The following CHIC1 variants were observed in gnomAD, a reference collection of about 807,000 sequenced individuals.
The protein encoded by CHIC1 is cysteine rich hydrophobic domain 1.
In CHIC1, 7 loss-of-function variants were observed where a neutral mutation model predicts 18.5. The ratio of observed to expected loss-of-function variants is 0.38; its 90% CI spans 0.22 to 0.71. CHIC1 has a LOEUF of 0.71. Among genes scored for constraint, CHIC1 ranks in the 30% least tolerant of loss-of-function variants. The pLI, the probability that CHIC1 is intolerant of heterozygous loss-of-function variation, is 0.49. For synonymous variants in CHIC1, 77 were observed against 73.5 expected, an observed-to-expected ratio of 1.05 and a Z score of -0.25; for missense variants, 159 against 176.9, an observed-to-expected ratio of 0.90 and a Z score of 0.57.
chrX:73,648,714 T>C (rs781125324), intron 3 of CHIC1, among the ~76,000 whole-genome samples: 3 of 111,730 alleles, frequency 2.7e-5, no homozygotes, highest in African/African-American at 9.7e-5. Context: ...AATATGGGAC[T>C]ATATAAAGAC....
intron 3 of CHIC1, among the ~76,000 whole-genome samples, chrX:73,672,105 T>A: frequency 8.9e-6 from 1 of 111,961 alleles, no homozygotes; most frequent in Non-Finnish European, 1.9e-5. Flanking sequence ...AACTCATCAT[T>A]TTTTATGGCT....
At chrX:73,637,479 C>T (rs1183330996) in intron 3 of CHIC1, among the ~76,000 whole-genome samples, 1 of 110,512 alleles carries the variant, frequency 9.0e-6, no homozygotes, top group Non-Finnish European at 1.9e-5. Context: ...CAAGTCTCTT[C>T]TTGGAAGCCC....
At chrX:73,581,279 T>C (rs886691381) in intron 2 of CHIC1, among the ~76,000 whole-genome samples, 1 of 110,917 alleles carries the variant, frequency 9.0e-6, no homozygotes, top group Non-Finnish European at 1.9e-5. Context: ...TGCATCCTGT[T>C]ATAAAATATT....
At chrX:73,624,822 C>T (rs2057776271) in intron 3 of CHIC1, among the ~76,000 whole-genome samples, 1 of 112,117 alleles carries the variant, frequency 8.9e-6, no homozygotes, top group African/African-American at 3.2e-5. Flanking sequence ...CTCTTTATGA[C>T]AGAATGATAC....
At chrX:73,673,779 C>T (rs1249743469) in intron 3 of CHIC1, among the ~76,000 whole-genome samples, 1 of 111,783 alleles carries the variant, frequency 8.9e-6, no homozygotes, top group African/African-American at 3.3e-5. Flanking sequence ...GAACTTCCAA[C>T]ACTATGTTGA....
intron 3 of CHIC1, among the ~76,000 whole-genome samples, chrX:73,645,117 G>C (rs969105090): frequency 2.7e-5 from 3 of 112,331 alleles, no homozygotes; most frequent in Admixed American, 9.4e-5. Context: ...CTTGGCTCCG[G>C]AAGCTGAGAT....
At chrX:73,624,798 ATCC>A (rs2057776127) in intron 3 of CHIC1, among the ~76,000 whole-genome samples, 1 of 112,128 alleles carries the variant, frequency 8.9e-6, no homozygotes, top group Non-Finnish European at 1.9e-5. Context: ...CCCATGTTCT[ATCC>A]TAAGGTATTC....
At chrX:73,656,741 T>G (rs887687397) in intron 3 of CHIC1, among the ~76,000 whole-genome samples, 2 of 112,239 alleles carry the variant, frequency 1.8e-5, no homozygotes, top group Non-Finnish European at 1.9e-5. Context: ...GCGTGATGCC[T>G]TCAGCTTTAT....
At chrX:73,603,087 T>C (rs1026042706) in intron 3 of CHIC1, among the ~76,000 whole-genome samples, 9 of 108,886 alleles carry the variant, frequency 8.3e-5, no homozygotes, top group African/African-American at 7.1e-5. Context: ...TCATTGAATC[T>C]ATAAATTACT....
intron 3 of CHIC1, among the ~76,000 whole-genome samples, chrX:73,608,466 C>A (rs1457183584): frequency 9.3e-6 from 1 of 107,775 alleles, no homozygotes; most frequent in African/African-American, 3.6e-5. Flanking sequence ...GGATTACATT[C>A]AATCGGTACA....
intron 2 of CHIC1, among the ~76,000 whole-genome samples, chrX:73,578,289 A>G (rs1254790106): frequency 9.0e-6 from 1 of 110,829 alleles, no homozygotes; most frequent in East Asian, 2.8e-4. Flanking sequence ...CTGTGCCCAA[A>G]GGAGAAGGCT....
At chrX:73,666,023 T>A (rs752128036) in intron 3 of CHIC1, among the ~76,000 whole-genome samples, 4 of 111,901 alleles carry the variant, frequency 3.6e-5, no homozygotes, top group Non-Finnish European at 7.5e-5. Flanking sequence ...AACTAACCTA[T>A]CTAGATCAAT....
intron 3 of CHIC1, among the ~76,000 whole-genome samples, chrX:73,663,231 G>C (rs777808662): frequency 1.1e-3 from 119 of 111,131 alleles, no homozygotes; most frequent in Non-Finnish European, 2.1e-3. Flanking sequence ...GAAAATGGGC[G>C]AATTCCAAGG....
At chrX:73,614,533 G>A (rs1465185948) in intron 3 of CHIC1, among the ~76,000 whole-genome samples, 3 of 110,809 alleles carry the variant, frequency 2.7e-5, no homozygotes, top group Non-Finnish European at 5.7e-5. Flanking sequence ...GCTGTCCCAT[G>A]TCATGTGGGC....
intron 3 of CHIC1, among the ~76,000 whole-genome samples, chrX:73,671,945 G>A (rs1373139065): frequency 5.4e-5 from 6 of 110,258 alleles, no homozygotes; most frequent in African/African-American, 2.0e-4. Context: ...ACAGTCCCCG[G>A]TGTGTGATGT....
At chrX:73,620,684 G>T (rs1217929968) in intron 3 of CHIC1, among the ~76,000 whole-genome samples, 2 of 111,892 alleles carry the variant, frequency 1.8e-5, no homozygotes, top group Non-Finnish European at 3.8e-5. Context: ...CTTTTGCTGT[G>T]CAGAAGTTCT....
intron 3 of CHIC1, among the ~76,000 whole-genome samples, chrX:73,654,033 C>T (rs1305756577): frequency 1.8e-5 from 2 of 111,959 alleles, no homozygotes; most frequent in African/African-American, 3.2e-5. Context: ...TATATTTCTT[C>T]CTTTTGCCTT....
intron 3 of CHIC1, among the ~76,000 whole-genome samples, chrX:73,627,189 A>G (rs1415617076): frequency 2.7e-5 from 3 of 110,346 alleles, no homozygotes; most frequent in Non-Finnish European, 1.9e-5. Flanking sequence ...TGAGCCATCT[A>G]AAGCTGAGAG....
rs776792696 is a variant in CHIC1 at position 73,563,380 on chromosome X, G to A, written c.96G>A (p.Pro32=). 37 of 1,133,046 alleles carry A rather than the reference G, an allele frequency of 3.3e-5. No homozygotes were observed. In the South Asian group the frequency reaches 6.8e-4, roughly 21 times the overall value. 93.4% of individuals were successfully genotyped at this position (1,133,046 alleles called of 1,213,427 possible). The change falls in exon 1 of 6, where the codon CCG becomes CCA. Residue 32 remains proline (P), a synonymous_variant. Coordinates refer to ENST00000373502, the MANE Select transcript of CHIC1 (RefSeq NM_001039840.4). ...AAGCGGCAACGTCGTCGTCGTCGCC[G>A]TCGTCGTCGTCGTCGGTATCTGGGC... ...EEEAATSSSS[P]SSSSSVSGPD...
Sources: allele counts gnomAD v4.1 joint callset (sites outside exome capture counted in the v4.1 genomes callset), GRCh38; gene constraint gnomAD v4.1.1; transcripts MANE v1.5; gene names NCBI Gene and HGNC (gene_info 2026-07-23, HGNC 2026-07-21).